PEX7: variants seen among roughly 807,000 people sequenced by gnomAD.
PEX7 encodes the protein PTS2 receptor.
Under a neutral mutation model 47.5 loss-of-function variants are expected in PEX7, and 34 were observed. The ratio of observed to expected loss-of-function variants is 0.72; its 90% CI spans 0.54 to 0.95. The LOEUF (loss-of-function observed/expected upper bound fraction) is 0.95. Ranked by LOEUF, PEX7 falls within the 40% of genes least tolerant of loss-of-function variation. The probability of loss-of-function intolerance (pLI) is 0.00; values close to 1 mark genes in which losing one functional copy is unlikely to be tolerated. For synonymous variants in PEX7, 141 were observed against 148.8 expected, an observed-to-expected ratio of 0.95 and a Z score of 0.38; for missense variants, 394 against 400.3, an observed-to-expected ratio of 0.98 and a Z score of 0.13.
At chr6:136,856,686 A>G (rs1229158917) in intron 5 of PEX7, among the ~76,000 whole-genome samples, 1 of 152,222 alleles carries the variant, frequency 6.6e-6, no homozygotes, top group Admixed American at 6.5e-5. Flanking sequence ...GCAGTTGGGA[A>G]TGGAAAATGA....
chr6:136,880,113 T>C (rs1214911848), intron 8 of PEX7, among the ~76,000 whole-genome samples: 1 of 152,138 alleles, frequency 6.6e-6, no homozygotes, highest in Non-Finnish European at 1.5e-5. Flanking sequence ...GTTACGGTTT[T>C]CTACTTCACT....
chr6:136,849,670 A>G (rs1774700125), intron 5 of PEX7, among the ~76,000 whole-genome samples: 1 of 152,128 alleles, frequency 6.6e-6, no homozygotes, highest in Non-Finnish European at 1.5e-5. Flanking sequence ...GTTTTGAGTG[A>G]GTTTCTTAAT....
chr6:136,893,679 C>T (rs1377556281), intron 8 of PEX7, among the ~76,000 whole-genome samples: 2 of 152,172 alleles, frequency 1.3e-5, no homozygotes, highest in African/African-American at 2.4e-5. Context: ...GCTCCTTGCT[C>T]TAAAGACTAC....
intron 5 of PEX7, among the ~76,000 whole-genome samples, chr6:136,864,527 C>T (rs1451386200): frequency 1.3e-5 from 2 of 152,150 alleles, no homozygotes; most frequent in African/African-American, 4.8e-5. Flanking sequence ...TCCAAAGGCC[C>T]TGTTCTTAAC....
intron 2 of PEX7, among the ~76,000 whole-genome samples, chr6:136,825,767 T>A (rs1774178049): frequency 6.6e-6 from 1 of 152,128 alleles, no homozygotes; most frequent in Non-Finnish European, 1.5e-5. Context: ...ACTCCTGACC[T>A]CAGGTGATCT....
chr6:136,911,924 C>T (rs1421838766), intron 9 of PEX7, among the ~76,000 whole-genome samples: 1 of 152,170 alleles, frequency 6.6e-6, no homozygotes, highest in Non-Finnish European at 1.5e-5. Flanking sequence ...TATGTGATCA[C>T]AGCTGTTCCA....
chr6:136,830,050 G>A (rs1407857614), intron 3 of PEX7: 8 of 714,996 alleles, frequency 1.1e-5, no homozygotes, highest in South Asian at 9.0e-5. Flanking sequence ...AGCAACTAAT[G>A]GGTCATTTTC....
At chr6:136,891,624 TTAACTC>T (rs373023970) in intron 8 of PEX7, among the ~76,000 whole-genome samples, 2 of 152,196 alleles carry the variant, frequency 1.3e-5, no homozygotes, top group Non-Finnish European at 2.9e-5. Context: ...AATGAATAGT[TTAACTC>T]TATAAAATTG....
intron 8 of PEX7, among the ~76,000 whole-genome samples, chr6:136,890,502 A>T (rs1408770362): frequency 1.3e-5 from 2 of 151,990 alleles, no homozygotes; most frequent in Non-Finnish European, 2.9e-5. Flanking sequence ...AAGAAAAGGA[A>T]CAGAATTATT....
At chr6:136,913,400 A>T in intron 9 of PEX7, 58 bp from the exon 10 acceptor site, 1 of 1,238,882 alleles carries the variant, frequency 8.1e-7, no homozygotes, top group South Asian at 1.2e-5. Context: ...TTTTGCTGTC[A>T]ATTTTGAATT....
intron 3 of PEX7, among the ~76,000 whole-genome samples, chr6:136,830,631 A>T (rs920848179): frequency 2.6e-5 from 4 of 152,226 alleles, no homozygotes. Context: ...TATAATAAAA[A>T]TTTTTAAAAG....
chr6:136,835,376 C>T (rs1017557404), intron 3 of PEX7, among the ~76,000 whole-genome samples: 25 of 152,066 alleles, frequency 1.6e-4, no homozygotes, highest in African/African-American at 5.5e-4. Context: ...GCAACTTCCA[C>T]CTCCCGGGTT....
In PEX7 at chr6:136,891,921, C is replaced by T. The variant is rs191553296; in HGVS notation, c.804-6221C>T. Among the ~76,000 whole-genome samples the T allele has an allele frequency of 3.0e-3, 461 of 152,216 alleles. 3 individuals carry two copies. The highest frequency in any genetic ancestry group is 0.011 in the African/African-American group (444 of 41,540). ...TGCCCTTGCAAAGTGCTACCGGGCCCGACCACTTCTATTTTTTAATCCCTT... is the reference window on the plus strand; with the variant it reads ...TGCCCTTGCAAAGTGCTACCGGGCCTGACCACTTCTATTTTTTAATCCCTT... On this transcript the variant is annotated intron_variant, in intron 8 of 9. Transcript: ENST00000318471.
At chr6:136,827,416 G>T (rs1453524808) in intron 3 of PEX7, among the ~76,000 whole-genome samples, 1 of 152,098 alleles carries the variant, frequency 6.6e-6, no homozygotes, top group Non-Finnish European at 1.5e-5. Context: ...TGGTAAAGGA[G>T]AAATTTTAGT....
At chr6:136,830,327 C>A in intron 3 of PEX7, 1 of 305,400 alleles carries the variant, frequency 3.3e-6, no homozygotes, top group Non-Finnish European at 6.0e-6. Flanking sequence ...TTCCAGTTAC[C>A]CACTTTACCA....
chr6:136,859,643 C>T (rs989704937), intron 5 of PEX7, among the ~76,000 whole-genome samples: 1 of 152,100 alleles, frequency 6.6e-6, no homozygotes, highest in African/African-American at 2.4e-5. Context: ...CACTCATTCT[C>T]CTTATGCAAC....
At chr6:136,871,338 C>T (rs1311796267) in intron 7 of PEX7, among the ~76,000 whole-genome samples, 1 of 152,118 alleles carries the variant, frequency 6.6e-6, no homozygotes, top group Non-Finnish European at 1.5e-5. Context: ...TGTCTTTAAA[C>T]TTGCTTTTTA....
chr6:136,870,709 A>ATT, intron 7 of PEX7: 1 of 387,008 alleles, frequency 2.6e-6, no homozygotes, highest in Non-Finnish European at 5.1e-6. Flanking sequence ...AAAATTCTAA[A>ATT]TTTTTTTTTC....
At chr6:136,833,210 C>G (rs1427770391) in intron 3 of PEX7, among the ~76,000 whole-genome samples, 1 of 152,076 alleles carries the variant, frequency 6.6e-6, no homozygotes. Context: ...AAGCAGACAC[C>G]TTCTTCAGAA....
Sources: gnomAD v4.1 joint callset for allele counts (sites outside exome capture counted in the v4.1 genomes callset) on GRCh38, gnomAD v4.1.1 for gene constraint, MANE v1.5 for transcripts, NCBI Gene and HGNC (gene_info 2026-07-23, HGNC 2026-07-21) for gene names.